SUCLG1: variants seen among roughly 807,000 people sequenced by gnomAD.
SUCLG1 encodes the protein succinate-CoA ligase GDP/ADP-forming subunit alpha, also known as succinate--CoA ligase [ADP/GDP-forming] subunit alpha, mitochondrial.
A neutral mutation model predicts 37.3 loss-of-function variants in SUCLG1; 26 were observed. The ratio of observed to expected loss-of-function variants is 0.70; its 90% CI spans 0.51 to 0.97. The LOEUF is 0.97. Ranked by LOEUF, SUCLG1 falls within the 50% of genes least tolerant of loss-of-function variation. SUCLG1 has a pLI of 0.00. For missense variants in SUCLG1, 433 were observed against 432.9 expected (o/e 1.00, Z 0.00); for synonymous variants, 163 against 155.6 (o/e 1.05, Z -0.36).
chr2:84,457,841 C>T (rs950577597), intron 1 of SUCLG1, among the ~76,000 whole-genome samples: 2 of 152,078 alleles, frequency 1.3e-5, no homozygotes, highest in African/African-American at 2.4e-5. Flanking sequence ...CTTCTGCCTA[C>T]AACACTCTCA....
intron 7 of SUCLG1, among the ~76,000 whole-genome samples, chr2:84,429,787 T>C (rs144950900): frequency 6.6e-6 from 1 of 152,270 alleles, no homozygotes; most frequent in African/African-American, 2.4e-5. Context: ...ATACCCATGT[T>C]TCAGAAGGGC....
intron 2 of SUCLG1, among the ~76,000 whole-genome samples, chr2:84,447,414 G>A (rs761801113): frequency 6.6e-6 from 1 of 152,168 alleles, no homozygotes; most frequent in East Asian, 1.9e-4. Flanking sequence ...ACCTTATTTA[G>A]AATATAGAGA....
chr2:84,452,362 C>T (rs529536797), intron 1 of SUCLG1, among the ~76,000 whole-genome samples: 1 of 152,300 alleles, frequency 6.6e-6, no homozygotes, highest in African/African-American at 2.4e-5. Flanking sequence ...GCCAAACCAT[C>T]TTGCAAATAT....
chr2:84,448,314 T>C (rs975343745), intron 2 of SUCLG1, among the ~76,000 whole-genome samples: 2 of 152,104 alleles, frequency 1.3e-5, no homozygotes, highest in African/African-American at 4.8e-5. Flanking sequence ...GGCCCATTCA[T>C]TGACAATATT....
chr2:84,445,320 T>C (rs1219969922), intron 2 of SUCLG1, among the ~76,000 whole-genome samples: 1 of 152,160 alleles, frequency 6.6e-6, no homozygotes, highest in Non-Finnish European at 1.5e-5. Flanking sequence ...CGCAACACCT[T>C]AGACTTCTCT....
At chr2:84,439,155 CT>C in intron 5 of SUCLG1, among the ~76,000 whole-genome samples, 1 of 151,254 alleles carries the variant, frequency 6.6e-6, no homozygotes, top group Non-Finnish European at 1.5e-5. Context: ...GGAACCAACT[CT>C]GGACACAGTG....
intron 2 of SUCLG1, among the ~76,000 whole-genome samples, chr2:84,445,906 T>A (rs543299865): frequency 6.6e-6 from 1 of 152,206 alleles, no homozygotes; most frequent in Non-Finnish European, 1.5e-5. Flanking sequence ...AAACTCCATA[T>A]ACTGGCCTAC....
At chr2:84,425,722 A>G (rs1044721716) in intron 7 of SUCLG1, 119 bp from the exon 8 acceptor site, 4 of 1,124,938 alleles carry the variant, frequency 3.6e-6, no homozygotes, top group South Asian at 1.3e-5. Context: ...CCCACCATTC[A>G]TCTTAGGAAA....
chr2:84,450,490 C>T (rs1156423587), intron 1 of SUCLG1, among the ~76,000 whole-genome samples: 2 of 150,076 alleles, frequency 1.3e-5, no homozygotes, highest in African/African-American at 4.9e-5. Context: ...ATAGTTACTA[C>T]AACCAGCTCC....
rs1672770354 is a variant in SUCLG1, at chr2:84,441,376, C to T, written c.402G>A (p.Glu134=). The change falls in exon 4 of 9, where the codon GAG becomes GAA. Residue 134 remains glutamate (E), a synonymous_variant. Transcript: ENST00000393868. ...TACACACAACCAAGGGAATTTCTGC[C>T]TCAATAGCTTCATTAATGGCAGCAG... The part of the protein sequence containing the change: ...FAAAAINEAI[E]AEIPLVVCIT... 3 of 1,614,018 alleles carry T rather than the reference C, an allele frequency of 1.9e-6. No individual in the cohort carries two copies. The highest frequency in any genetic ancestry group is 2.5e-6 in the Non-Finnish European group (3 of 1,180,032).
chr2:84,428,847 T>C (rs1036133517), intron 7 of SUCLG1, among the ~76,000 whole-genome samples: 3 of 152,202 alleles, frequency 2.0e-5, no homozygotes, highest in African/African-American at 7.2e-5. Flanking sequence ...TCCTTCAATC[T>C]GACACCTCAT....
chr2:84,456,358 T>C (rs984556139), intron 1 of SUCLG1, among the ~76,000 whole-genome samples: 1 of 152,208 alleles, frequency 6.6e-6, no homozygotes, highest in African/African-American at 2.4e-5. Context: ...TGGAAACTTT[T>C]GGGATTTCCT....
chr2:84,448,229 A>G (rs2104262244), intron 2 of SUCLG1, among the ~76,000 whole-genome samples: 1 of 152,110 alleles, frequency 6.6e-6, no homozygotes. Flanking sequence ...TACATGAAAC[A>G]ATCTGCTAAC....
In SUCLG1 at chr2:84,459,258, G is replaced by A. The variant is rs758324663; in HGVS notation, c.12C>T (p.Thr4=). 22 of 1,550,542 alleles carry A rather than the reference G, an allele frequency of 1.4e-5. No homozygotes were observed. In the Admixed American group the frequency reaches 1.6e-4, roughly 11 times the overall value. Residue 4 remains threonine (T), a synonymous_variant, in exon 1 of 9, where the codon ACC becomes ACT. Coordinates refer to ENST00000393868, the MANE Select transcript of SUCLG1 (RefSeq NM_003849.4). MTA[T]LAAAADIATM... ...TAGCGATGTCAGCGGCAGCGGCAAGGGTTGCGGTCATACGCCAATGACACT... is the reference window on the plus strand; with the variant it reads ...TAGCGATGTCAGCGGCAGCGGCAAGAGTTGCGGTCATACGCCAATGACACT...
intron 5 of SUCLG1, among the ~76,000 whole-genome samples, chr2:84,436,551 C>T (rs1672689282): frequency 6.6e-6 from 1 of 152,080 alleles, no homozygotes; most frequent in Non-Finnish European, 1.5e-5. Flanking sequence ...CTACTGCTGA[C>T]ACAGTAAAAT....
intron 1 of SUCLG1, among the ~76,000 whole-genome samples, chr2:84,455,091 C>CCTA (rs1672997851): frequency 2.0e-5 from 3 of 152,296 alleles, no homozygotes; most frequent in African/African-American, 7.2e-5. Flanking sequence ...AGCTAGCAGC[C>CCTA]ACTTACCCCT....
At chr2:84,443,145 A>G in intron 3 of SUCLG1, 139 bp downstream of exon 3, 1 of 811,068 alleles carries the variant, frequency 1.2e-6, no homozygotes. Context: ...TTTTGATGGC[A>G]ATTCAAATTT....
At chr2:84,432,451 A>C (rs1331237435) in intron 6 of SUCLG1, 1 of 152,142 alleles carries the variant, frequency 6.6e-6, no homozygotes, top group Admixed American at 6.5e-5. Flanking sequence ...GTCATTTCCT[A>C]ATTTTCTCAA....
At chr2:84,449,782 A>AT in intron 1 of SUCLG1, 30 bp from the exon 2 acceptor site, 1 of 1,359,940 alleles carries the variant, frequency 7.4e-7, no homozygotes. Flanking sequence ...AAAAAAAAAA[A>AT]AAAAAGACAC....
Sources: allele counts gnomAD v4.1 joint callset (sites outside exome capture counted in the v4.1 genomes callset), GRCh38; gene constraint gnomAD v4.1.1; transcripts MANE v1.5; gene names NCBI Gene and HGNC (gene_info 2026-07-23, HGNC 2026-07-21).